The following STIP1 variants were observed in gnomAD, a reference collection of about 807,000 sequenced individuals.
The protein encoded by STIP1 is stress induced phosphoprotein 1.
In STIP1, 16 loss-of-function variants were observed where a neutral mutation model predicts 77.4. That is an observed-to-expected ratio of 0.21 (90% CI 0.14 to 0.31). The LOEUF is 0.31. Ranked by LOEUF, STIP1 falls within the 10% of genes least tolerant of loss-of-function variation. The pLI is 1.00. For synonymous variants in STIP1, 258 were observed against 246.6 expected (o/e 1.05, Z -0.44); for missense variants, 524 against 684.8 (o/e 0.77, Z 2.62).
intron 2 of STIP1, 54 bp downstream of exon 2, chr11:64,193,341 C>T: frequency 1.3e-6 from 2 of 1,567,946 alleles, no homozygotes; most frequent in Non-Finnish European, 1.8e-6. Context: ...CCAGAAATGC[C>T]TTTTGGTGGC....
rs750296157 is a variant in STIP1, at chr11:64,197,880, A to G, written c.929A>G (p.Tyr310Cys). 7.4e-6 allele frequency: 12 copies of G among 1,612,148 alleles called. No homozygotes were observed. In the East Asian group the frequency reaches 1.6e-4, roughly 21 times the overall value. ...GCATATGCTCGAATTGGCAACTCCTACTTCAAAGAAGAAAAGTACAAGGAT... is the reference window on the plus strand; with the variant it reads ...GCATATGCTCGAATTGGCAACTCCTGCTTCAAAGAAGAAAAGTACAAGGAT... ...AKAYARIGNS[Y>C]FKEEKYKDAI... The change falls in exon 8 of 14, where the codon TAC becomes TGC. Residue 310 changes from tyrosine (Y) to cysteine (C), a missense_variant. Coordinates refer to ENST00000305218, the MANE Select transcript of STIP1 (RefSeq NM_006819.3).
At chr11:64,187,857 T>G (rs1344786711) in intron 1 of STIP1, among the ~76,000 whole-genome samples, 2 of 151,158 alleles carry the variant, frequency 1.3e-5, no homozygotes, top group South Asian at 4.2e-4. Context: ...GAAGAAAAAT[T>G]AGCCGGGCGT....
chr11:64,191,553 G>T (rs141514741), intron 1 of STIP1, among the ~76,000 whole-genome samples: 47 of 152,148 alleles, frequency 3.1e-4, no homozygotes, highest in African/African-American at 9.9e-4. Context: ...TTGCCGTGAG[G>T]CAAGATTGTG....
In STIP1 at chr11:64,202,866, T is replaced by C; in HGVS notation, c.1246-10T>C. 1 of 1,614,222 alleles carries C rather than the reference T, an allele frequency of 6.2e-7. No homozygotes were observed. Among genetic ancestry groups the C allele is most frequent in the South Asian group, 1.1e-5 (1 of 91,080 alleles). ...AATGAGCCTAATTTCTTTCTGTTGC[T>C]TCATTCTAGGACTGTGAGGAATGTA... is the stretch of plus-strand genomic sequence containing the variant. On this transcript the variant is annotated splice_polypyrimidine_tract_variant and intron_variant, in intron 10 of 13. Transcript: ENST00000305218.
At chr11:64,203,102 C>T (rs774987278) in intron 11 of STIP1, 23 bp from the exon 12 acceptor site, 20 of 1,613,522 alleles carry the variant, frequency 1.2e-5, no homozygotes, top group Admixed American at 1.7e-5. Context: ...GGTTGGATAA[C>T]GCGCCACCTT....
intron 4 of STIP1, among the ~76,000 whole-genome samples, chr11:64,195,367 C>T (rs896347963): frequency 6.6e-6 from 1 of 152,156 alleles, no homozygotes; most frequent in East Asian, 1.9e-4. Context: ...CTGCCCGCCT[C>T]GGCCTCCCAA....
intron 8 of STIP1, among the ~76,000 whole-genome samples, chr11:64,198,801 A>G (rs1355480532): frequency 7.3e-6 from 1 of 136,886 alleles, no homozygotes; most frequent in Non-Finnish European, 1.5e-5. Flanking sequence ...CAAGATTTCA[A>G]CCCTAAATGT....
chr11:64,197,651 CT>C, intron 7 of STIP1, 56 bp downstream of exon 7: 1 of 1,603,188 alleles, frequency 6.2e-7, no homozygotes, highest in Non-Finnish European at 8.5e-7. Flanking sequence ...CTGTCCAAGA[CT>C]TAAGTTTCTC....
At chr11:64,201,182 G>A (rs1249926769) in intron 10 of STIP1, among the ~76,000 whole-genome samples, 1 of 152,026 alleles carries the variant, frequency 6.6e-6, no homozygotes, top group Non-Finnish European at 1.5e-5. Context: ...TGGGACTACA[G>A]GTGTGCACCA....
rs773547451 is a variant in STIP1, at chr11:64,195,697, G to A, written c.556G>A (p.Asp186Asn). The A allele has an allele frequency of 3.7e-6, 6 of 1,613,914 alleles. No homozygotes were observed. The African/African-American group carries it at 4.0e-5, about 11-fold the overall frequency. ...MTTLSVLLGV[D>N]LGSMDEEEEI... is the part of the protein sequence containing the mutation. ...CACTCTCAGCGTCCTCCTTGGGGTC[G>A]ATCTGGGCAGTATGGATGAGGAGGA... Residue 186 changes from aspartate to asparagine, a missense_variant, in exon 5 of 14, where the codon GAT becomes AAT. Coordinates refer to ENST00000305218, the MANE Select transcript of STIP1 (RefSeq NM_006819.3).
intron 10 of STIP1, chr11:64,202,546 C>T (rs1946230524): frequency 9.9e-6 from 3 of 302,874 alleles, no homozygotes; most frequent in South Asian, 3.5e-5. Context: ...CCGCACCCAG[C>T]GTTGTTTTGT....
rs1301403474 is a variant in STIP1 at position 64,194,260 on chromosome 11, G to T, written c.291G>T (p.Glu97Asp). 6.2e-7 allele frequency: 1 copy of T among 1,614,206 alleles called. No homozygotes were observed. The highest frequency in any genetic ancestry group is 8.5e-7 in the Non-Finnish European group (1 of 1,180,046). Residue 97 changes from glutamate (E) to aspartate (D), a missense_variant, in exon 3 of 14, where the codon GAG becomes GAT. Physicochemically the swap from Glu to Asp is conservative, Grantham distance 45. Coordinates refer to ENST00000305218, the MANE Select transcript of STIP1 (RefSeq NM_006819.3). ...RFEEAKRTYEEGLKHEANNPQ... is the reference protein window; with the variant it reads ...RFEEAKRTYEDGLKHEANNPQ... ...AAGAAGCCAAGCGAACCTATGAGGA[G>T]GGCTTAAAACACGAGGCAAATAACC...
At chr11:64,202,594 A>G (rs1946231195) in intron 10 of STIP1, 3 of 439,842 alleles carry the variant, frequency 6.8e-6, no homozygotes, top group Admixed American at 4.0e-5. Flanking sequence ...CAAAGCTCTC[A>G]GGACCAAGGC....
intron 1 of STIP1, among the ~76,000 whole-genome samples, chr11:64,188,676 C>A (rs1946056687): frequency 6.6e-6 from 1 of 152,164 alleles, no homozygotes; most frequent in South Asian, 2.1e-4. Context: ...AGTCACCTTG[C>A]CTGGTCTTAA....
intron 8 of STIP1, among the ~76,000 whole-genome samples, chr11:64,198,719 A>T (rs897528997): frequency 1.3e-5 from 2 of 149,112 alleles, no homozygotes; most frequent in African/African-American, 4.9e-5. Flanking sequence ...AACAGTGACA[A>T]CATGTAGGAA....
In STIP1 at chr11:64,203,200, A is replaced by G; in HGVS notation, c.1358A>G (p.Lys453Arg). The G allele has an allele frequency of 6.2e-7, 1 of 1,614,144 alleles. No individual in the cohort carries two copies. The highest frequency in any genetic ancestry group is 8.5e-7 in the Non-Finnish European group (1 of 1,180,052). ...DYTKAMDVYQ[K>R]ALDLDSSCKE... ...ACCAAAGCCATGGATGTGTACCAGA[A>G]GGCGCTAGACCTGGACTCCAGCTGT... The change falls in exon 12 of 14, where the codon AAG becomes AGG. Residue 453 changes from lysine (K) to arginine (R), a missense_variant. Transcript: ENST00000305218.
chr11:64,197,560 G>A lies in STIP1; in HGVS notation c.867G>A (p.Gly289=), dbSNP rs142931104. 2 of 1,614,172 alleles carry A rather than the reference G, an allele frequency of 1.2e-6. No homozygotes were observed. Among genetic ancestry groups the A allele is most frequent in the Non-Finnish European group, 1.7e-6 (2 of 1,180,002 alleles). Residue 289 remains glycine, a synonymous_variant, in exon 7 of 14, where the codon GGG becomes GGA. Coordinates refer to ENST00000305218, the MANE Select transcript of STIP1 (RefSeq NM_006819.3). ...TTTGTGAGAAGGCCATTGAAGTGGG[G>A]AGAGAAAACCGAGAAGACTATCGAC... ...RELCEKAIEV[G]RENREDYRQI... is the part of the protein sequence containing the mutation.
rs772484698 is a variant in STIP1 at position 64,203,176 on chromosome 11, C to G, written c.1334C>G (p.Thr445Ser). The G allele has an allele frequency of 1.2e-6, 2 of 1,614,248 alleles. No homozygotes were observed. Among genetic ancestry groups the G allele is most frequent in the Non-Finnish European group, 1.7e-6 (2 of 1,180,048 alleles). Residue 445 changes from threonine to serine, a missense_variant, in exon 12 of 14, where the codon ACC becomes AGC. By Grantham distance (58) the Thr-to-Ser change is moderately conservative (BLOSUM62 1). Transcript: ENST00000305218. ...AAALEAMKDY[T>S]KAMDVYQKAL... The stretch of plus-strand genomic sequence containing the variant: ...GCGCTGGAAGCGATGAAGGACTACA[C>G]CAAAGCCATGGATGTGTACCAGAAG...
chr11:64,185,520 A>G (rs1945999419), upstream of STIP1: 1 of 403,910 alleles, frequency 2.5e-6, no homozygotes, highest in East Asian at 4.9e-5. Flanking sequence ...CTCGAGGGAC[A>G]GGCAGCTCCC....
Sources: gnomAD v4.1 joint callset for allele counts (sites outside exome capture counted in the v4.1 genomes callset) on GRCh38, gnomAD v4.1.1 for gene constraint, MANE v1.5 for transcripts, NCBI Gene and HGNC (gene_info 2026-07-23, HGNC 2026-07-21) for gene names.